Variants in NAT1 observed in about 807,000 individuals in gnomAD.
The protein encoded by NAT1 is arylamine N-acetyltransferase 1.
For synonymous variants in NAT1, 144 were observed against 122.6 expected (o/e 1.17, Z -1.16); for missense variants, 400 against 339.2 (o/e 1.18, Z -1.41).
chr8:18,183,891 T>A (rs1217142020), intron 2 of NAT1, among the ~76,000 whole-genome samples: 3 of 152,194 alleles, frequency 2.0e-5, no homozygotes, highest in African/African-American at 7.2e-5. Context: ...ACACTTGGGT[T>A]GACCTCCCAA....
At chr8:18,191,692 T>C (rs1359385205) in intron 2 of NAT1, among the ~76,000 whole-genome samples, 1 of 152,046 alleles carries the variant, frequency 6.6e-6, no homozygotes, top group African/African-American at 2.4e-5. Flanking sequence ...ACGCCGCATA[T>C]CTACAACTAT....
chr8:18,192,588 C>G (rs1228731616), intron 2 of NAT1, among the ~76,000 whole-genome samples: 1 of 152,112 alleles, frequency 6.6e-6, no homozygotes, highest in Admixed American at 6.5e-5. Context: ...TTGGAACCAA[C>G]CCAAATGTCC....
chr8:18,216,965 A>C, intron 1 of NAT1: 1 of 1,551,132 alleles, frequency 6.4e-7, no homozygotes, highest in Non-Finnish European at 8.7e-7. Flanking sequence ...ATAATAGCCT[A>C]CCGGTCTCTG....
At chr8:18,219,944 C>G (rs921198071) in intron 2 of NAT1, among the ~76,000 whole-genome samples, 1 of 152,134 alleles carries the variant, frequency 6.6e-6, no homozygotes, top group African/African-American at 2.4e-5. Flanking sequence ...TGCTTGTAAA[C>G]AAGTTAAACC....
intron 2 of NAT1, among the ~76,000 whole-genome samples, chr8:18,194,745 T>C (rs1222866163): frequency 6.6e-6 from 1 of 150,940 alleles, no homozygotes; most frequent in African/African-American, 2.4e-5. Flanking sequence ...GCTTGAACCC[T>C]GGGGGTGGAG....
intron 1 of NAT1, among the ~76,000 whole-genome samples, chr8:18,215,822 G>A (rs1446212629): frequency 6.6e-6 from 1 of 152,122 alleles, no homozygotes; most frequent in Non-Finnish European, 1.5e-5. Flanking sequence ...ATGTCCAGCT[G>A]GGGTTGGTGT....
intron 2 of NAT1, among the ~76,000 whole-genome samples, chr8:18,202,640 T>G (rs1196862845): frequency 6.6e-6 from 1 of 152,142 alleles, no homozygotes; most frequent in Admixed American, 6.6e-5. Context: ...GCGTTACAGC[T>G]ATTAAAGGTG....
intron 2 of NAT1, among the ~76,000 whole-genome samples, chr8:18,185,991 G>T (rs1318111235): frequency 6.6e-6 from 1 of 152,018 alleles, no homozygotes; most frequent in Non-Finnish European, 1.5e-5. Flanking sequence ...TAGTTTAATT[G>T]CGTTGTAGTC....
chr8:18,181,755 T>A (rs1802529729), intron 2 of NAT1, among the ~76,000 whole-genome samples: 1 of 152,184 alleles, frequency 6.6e-6, no homozygotes, highest in East Asian at 1.9e-4. Flanking sequence ...TTTCCTTCCA[T>A]ATCCAGTTTG....
At chr8:18,182,024 C>G (rs541612248) in intron 2 of NAT1, among the ~76,000 whole-genome samples, 1 of 152,140 alleles carries the variant, frequency 6.6e-6, no homozygotes, top group African/African-American at 2.4e-5. Context: ...ATTCCCTTCC[C>G]CAAGCAGGAA....
chr8:18,217,092 T>A, intron 1 of NAT1: 1 of 771,318 alleles, frequency 1.3e-6, no homozygotes, highest in Non-Finnish European at 2.1e-6. Context: ...TTAGTGAGAA[T>A]TTCCTTTATT....
At chr8:18,207,257 G>A (rs1205991101), upstream of NAT1, among the ~76,000 whole-genome samples, 8 of 152,240 alleles carry the variant, frequency 5.3e-5, no homozygotes, top group South Asian at 2.1e-4. Context: ...TCAGTACCAC[G>A]CTGTTTTGGT....
intron 1 of NAT1, among the ~76,000 whole-genome samples, chr8:18,215,240 G>C (rs1167475639): frequency 6.6e-6 from 1 of 152,306 alleles, no homozygotes; most frequent in East Asian, 1.9e-4. Flanking sequence ...TTCTGTCTTT[G>C]CTATTGTGAA....
At chr8:18,215,281 T>C (rs1394054389) in intron 1 of NAT1, among the ~76,000 whole-genome samples, 2 of 152,262 alleles carry the variant, frequency 1.3e-5, no homozygotes, top group African/African-American at 4.8e-5. Context: ...TTGCACTTTT[T>C]GCATTCTCCA....
At position 18,193,228 on chromosome 8, in the gene NAT1, C is replaced by T. The variant is rs745414425; in HGVS notation, n.93-16553C>T. Among the ~76,000 whole-genome samples the T allele has an allele frequency of 2.6e-3, 385 of 149,946 alleles. 2 individuals carry two copies. The highest frequency in any genetic ancestry group is 3.5e-3 in the Non-Finnish European group (238 of 67,568). On this transcript the variant is annotated intron_variant and non_coding_transcript_variant, in intron 2 of 4. Transcript: ENST00000517441. ...AAGTAGGTAGCACCACAGGTGTGTG[C>T]CACCACACCTGGCTAATTTTTAAAA...
chr8:18,180,591 C>T (rs777212759), intron 2 of NAT1, among the ~76,000 whole-genome samples: 2 of 152,000 alleles, frequency 1.3e-5, no homozygotes, highest in African/African-American at 2.4e-5. Flanking sequence ...AGTTCTATTG[C>T]ACAATATGGT....
intron 2 of NAT1, among the ~76,000 whole-genome samples, chr8:18,199,943 C>A (rs1803393441): frequency 6.6e-6 from 1 of 152,082 alleles, no homozygotes; most frequent in Non-Finnish European, 1.5e-5. Flanking sequence ...CAGAGAAGTA[C>A]AAATTAAAAC....
At chr8:18,182,312 G>T (rs1203463051) in intron 2 of NAT1, among the ~76,000 whole-genome samples, 1 of 152,116 alleles carries the variant, frequency 6.6e-6, no homozygotes, top group African/African-American at 2.4e-5. Flanking sequence ...ATATTCCAAT[G>T]TATCAGTCTT....
At chr8:18,192,614 G>T (rs1308479196) in intron 2 of NAT1, among the ~76,000 whole-genome samples, 1 of 152,128 alleles carries the variant, frequency 6.6e-6, no homozygotes, top group Non-Finnish European at 1.5e-5. Flanking sequence ...TGATAGACTG[G>T]ATTAAGAAAA....
Sources: allele counts gnomAD v4.1 joint callset (sites outside exome capture counted in the v4.1 genomes callset), GRCh38; gene constraint gnomAD v4.1.1; transcripts MANE v1.5; gene names NCBI Gene and HGNC (gene_info 2026-07-23, HGNC 2026-07-21).